The following SHISA9 variants were observed in gnomAD, a reference collection of about 807,000 sequenced individuals.
The protein encoded by SHISA9 is protein shisa-9.
Under a neutral mutation model 38.0 loss-of-function variants are expected in SHISA9, and 13 were observed. The ratio of observed to expected loss-of-function variants is 0.34; its 90% CI spans 0.22 to 0.54. SHISA9 has a LOEUF of 0.54. Among genes scored for constraint, SHISA9 ranks in the 20% least tolerant of loss-of-function variants. The probability of loss-of-function intolerance (pLI) is 0.91; values close to 1 mark genes in which losing one functional copy is unlikely to be tolerated. For synonymous variants in SHISA9, 275 were observed against 242.0 expected, an observed-to-expected ratio of 1.14 and a Z score of -1.27; for missense variants, 538 against 575.8, an observed-to-expected ratio of 0.93 and a Z score of 0.67.
intron 4 of SHISA9, among the ~76,000 whole-genome samples, chr16:13,216,362 C>T (rs996035401): frequency 1.1e-4 from 17 of 152,038 alleles, no homozygotes; most frequent in Non-Finnish European, 1.0e-4. Flanking sequence ...CCTCCTAGGT[C>T]GTTGTGAGAT....
chr16:13,024,494 G>A (rs1479543798), intron 2 of SHISA9, among the ~76,000 whole-genome samples: 1 of 152,196 alleles, frequency 6.6e-6, no homozygotes, highest in Non-Finnish European at 1.5e-5. Flanking sequence ...CTGTGGGGGA[G>A]CCAGTCCCAT....
intron 2 of SHISA9, among the ~76,000 whole-genome samples, chr16:13,014,910 G>A (rs1010814948): frequency 3.3e-5 from 5 of 152,170 alleles, no homozygotes; most frequent in African/African-American, 7.2e-5. Flanking sequence ...TGGCATGTTC[G>A]GATACTGCCT....
the SHISA9 span, among the ~76,000 whole-genome samples, chr16:13,373,623 A>G: frequency 2.0e-5 from 3 of 152,114 alleles, no homozygotes; most frequent in Admixed American, 6.5e-5. Flanking sequence ...TCAGCCGGGC[A>G]TGGTAGCGGG....
At chr16:13,081,106 AATC>A (rs2073643681) in intron 2 of SHISA9, among the ~76,000 whole-genome samples, 1 of 152,240 alleles carries the variant, frequency 6.6e-6, no homozygotes, top group African/African-American at 2.4e-5. Flanking sequence ...AAAACATTCA[AATC>A]ATAGCCCTAA....
At chr16:13,037,120 A>ACG (rs1455362003) in intron 2 of SHISA9, among the ~76,000 whole-genome samples, 12 of 145,616 alleles carry the variant, frequency 8.2e-5, no homozygotes, top group African/African-American at 3.1e-4. Context: ...ACACACACAC[A>ACG]CACACACACA....
intron 2 of SHISA9, among the ~76,000 whole-genome samples, chr16:13,009,564 T>G (rs2072644647): frequency 6.6e-6 from 1 of 152,188 alleles, no homozygotes; most frequent in Non-Finnish European, 1.5e-5. Context: ...ACCAGAAGCC[T>G]CCGAGGAACC....
At chr16:13,442,562 C>T in the SHISA9 span, among the ~76,000 whole-genome samples, 7 of 151,082 alleles carry the variant, frequency 4.6e-5, no homozygotes, top group Admixed American at 1.3e-4. Flanking sequence ...ACCTTGGCCT[C>T]CCAAAGTGCT....
At chr16:13,052,631 C>A (rs2073265549) in intron 2 of SHISA9, among the ~76,000 whole-genome samples, 1 of 152,222 alleles carries the variant, frequency 6.6e-6, no homozygotes, top group African/African-American at 2.4e-5. Flanking sequence ...GTTCACCCAA[C>A]CAAGAAATCC....
the SHISA9 span, among the ~76,000 whole-genome samples, chr16:13,376,869 G>T: frequency 2.6e-5 from 4 of 152,116 alleles, no homozygotes; most frequent in South Asian, 8.3e-4. Context: ...TGTATTTCTT[G>T]TAGAGATGTG....
At chr16:13,204,279 C>T (rs1166209365) in intron 3 of SHISA9, among the ~76,000 whole-genome samples, 2 of 151,786 alleles carry the variant, frequency 1.3e-5, no homozygotes, top group Non-Finnish European at 2.9e-5. Flanking sequence ...CTACCTGGGA[C>T]CCAGGTTTCT....
At chr16:13,466,403 G>A in the SHISA9 span, among the ~76,000 whole-genome samples, 1 of 152,212 alleles carries the variant, frequency 6.6e-6, no homozygotes, top group Non-Finnish European at 1.5e-5. Context: ...ACCATGCCCT[G>A]TGATTAGGGT....
the SHISA9 span, chr16:13,474,367 G>T: frequency 6.6e-6 from 1 of 152,184 alleles, no homozygotes; most frequent in South Asian, 2.1e-4. Context: ...TTAATGCAAA[G>T]TAATATACGA....
At chr16:13,399,258 A>G in the SHISA9 span, among the ~76,000 whole-genome samples, 6 of 151,824 alleles carry the variant, frequency 4.0e-5, no homozygotes, top group Non-Finnish European at 8.8e-5. Context: ...TCTCAATTAA[A>G]AAAAAAAAAG....
chr16:13,106,943 C>T (rs1024741629), intron 2 of SHISA9, among the ~76,000 whole-genome samples: 2 of 148,600 alleles, frequency 1.3e-5, no homozygotes, highest in Non-Finnish European at 3.0e-5. Context: ...CTAGTCACAT[C>T]AATAAACTTG....
At chr16:13,411,769 G>T in the SHISA9 span, among the ~76,000 whole-genome samples, 2 of 152,224 alleles carry the variant, frequency 1.3e-5, no homozygotes, top group African/African-American at 4.8e-5. Flanking sequence ...TGGTTGGAAC[G>T]TAGAGAGATG....
At chr16:13,411,427 T>G in the SHISA9 span, among the ~76,000 whole-genome samples, 1 of 152,222 alleles carries the variant, frequency 6.6e-6, no homozygotes, top group African/African-American at 2.4e-5. Flanking sequence ...ATAATACATG[T>G]TAATTTGTTC....
At chr16:13,182,242 T>C (rs2050784939) in intron 2 of SHISA9, among the ~76,000 whole-genome samples, 1 of 152,196 alleles carries the variant, frequency 6.6e-6, no homozygotes, top group African/African-American at 2.4e-5. Context: ...ATTATTCTTA[T>C]TTTATCGGTG....
the SHISA9 span, among the ~76,000 whole-genome samples, chr16:13,417,671 G>A: frequency 6.6e-5 from 10 of 152,180 alleles, no homozygotes; most frequent in African/African-American, 2.2e-4. Flanking sequence ...CACACATTGG[G>A]CAGACCCCAC....
At chr16:12,975,361 AG>A (rs1311289403) in intron 2 of SHISA9, among the ~76,000 whole-genome samples, 2 of 151,904 alleles carry the variant, frequency 1.3e-5, no homozygotes, top group Non-Finnish European at 2.9e-5. Context: ...AAAAATAGCT[AG>A]GTGTAGTGGC....
Sources: gnomAD v4.1 joint callset for allele counts (sites outside exome capture counted in the v4.1 genomes callset) on GRCh38, gnomAD v4.1.1 for gene constraint, MANE v1.5 for transcripts, NCBI Gene and HGNC (gene_info 2026-07-23, HGNC 2026-07-21) for gene names.